Variants in ITGA9 observed in about 807,000 individuals in gnomAD.
The protein encoded by ITGA9 is integrin alpha-9.
ITGA9 carries 56 observed loss-of-function variants against 127.8 expected under a neutral mutation model. That is an observed-to-expected ratio of 0.44 (90% confidence interval 0.35 to 0.55). The LOEUF is 0.55. Among genes scored for constraint, ITGA9 ranks in the 20% least tolerant of loss-of-function variants. The pLI is 0.00. For synonymous variants in ITGA9, 508 were observed against 514.5 expected (o/e 0.99, Z 0.17); for missense variants, 1,196 against 1,347.1 (o/e 0.89, Z 1.76).
At chr3:37,770,566 G>T (rs764184364) in intron 23 of ITGA9, among the ~76,000 whole-genome samples, 3 of 152,198 alleles carry the variant, frequency 2.0e-5, no homozygotes, top group Non-Finnish European at 4.4e-5. Context: ...AGCCTGGAAA[G>T]TAACAGCTCT....
chr3:37,651,156 A>G (rs77899247), intron 16 of ITGA9, among the ~76,000 whole-genome samples: 11,275 of 152,188 alleles, frequency 0.074, 468 homozygotes, highest in Middle Eastern at 0.14. Context: ...GTGTGTGTGT[A>G]TATGTCAAAC....
chr3:37,756,562 A>G (rs934732238), intron 23 of ITGA9, among the ~76,000 whole-genome samples: 1 of 152,224 alleles, frequency 6.6e-6, no homozygotes, highest in African/African-American at 2.4e-5. Context: ...CAGCTATGGC[A>G]ACCTATAGGA....
intron 1 of ITGA9, among the ~76,000 whole-genome samples, chr3:37,463,681 G>C (rs1161395417): frequency 2.6e-5 from 4 of 152,194 alleles, no homozygotes; most frequent in Non-Finnish European, 2.9e-5. Context: ...CTCTTGACAA[G>C]AGAAGCTGCA....
chr3:37,453,505 T>C (rs1698224525), intron 1 of ITGA9, among the ~76,000 whole-genome samples: 1 of 151,926 alleles, frequency 6.6e-6, no homozygotes, highest in South Asian at 2.1e-4. Context: ...GACCAGAGGG[T>C]ATAAACAGCC....
intron 3 of ITGA9, among the ~76,000 whole-genome samples, chr3:37,474,829 C>A (rs1212105177): frequency 6.6e-6 from 1 of 152,248 alleles, no homozygotes; most frequent in African/African-American, 2.4e-5. Context: ...AACAGGTTTT[C>A]CTTAAGGCAC....
At chr3:37,574,449 T>G (rs1699633358) in intron 15 of ITGA9, among the ~76,000 whole-genome samples, 1 of 152,226 alleles carries the variant, frequency 6.6e-6, no homozygotes, top group South Asian at 2.1e-4. Flanking sequence ...TTGCTGATTT[T>G]TTTCCTATTA....
chr3:37,659,822 C>T (rs1030758183), intron 17 of ITGA9, among the ~76,000 whole-genome samples: 1 of 152,096 alleles, frequency 6.6e-6, no homozygotes, highest in Non-Finnish European at 1.5e-5. Flanking sequence ...ATGGATTTAT[C>T]TACCTTTGGT....
intron 11 of ITGA9, among the ~76,000 whole-genome samples, chr3:37,522,541 C>T: frequency 6.6e-6 from 1 of 152,014 alleles, no homozygotes; most frequent in Non-Finnish European, 1.5e-5. Context: ...CCTTGGGCAA[C>T]ATGGCGAGAC....
intron 17 of ITGA9, among the ~76,000 whole-genome samples, chr3:37,659,506 C>G (rs1001949724): frequency 1.3e-5 from 2 of 151,774 alleles, no homozygotes; most frequent in Non-Finnish European, 2.9e-5. Flanking sequence ...ATGAAGTTCT[C>G]GTGCTGTGTT....
chr3:37,606,853 A>G (rs1315688553), intron 15 of ITGA9, among the ~76,000 whole-genome samples: 1 of 150,836 alleles, frequency 6.6e-6, no homozygotes, highest in Non-Finnish European at 1.5e-5. Flanking sequence ...AGTATTTGTC[A>G]CTTCCTACTC....
chr3:37,567,565 C>T lies in ITGA9; in HGVS notation c.1689+24980C>T, dbSNP rs139809051. ...GTCTCATATGAGACAAGGCAAGTCC[C>T]TTCCACCTATGAGCTTTTAAAATTA... is the stretch of plus-strand genomic sequence containing the variant. On this transcript the variant is annotated intron_variant, in intron 15 of 27. Transcript: ENST00000264741. Among the ~76,000 whole-genome samples the T allele has an allele frequency of 1.5e-4, 23 of 152,292 alleles. No individual in the cohort carries two copies. The East Asian group carries it at 4.4e-3, about 29-fold the overall frequency.
intron 18 of ITGA9, among the ~76,000 whole-genome samples, chr3:37,719,649 C>T (rs567781022): frequency 7.9e-5 from 12 of 152,134 alleles, no homozygotes; most frequent in South Asian, 4.1e-4. Flanking sequence ...GTGCTGCACC[C>T]GAGTCAGGAG....
At chr3:37,461,224 A>G (rs1354320978) in intron 1 of ITGA9, among the ~76,000 whole-genome samples, 3 of 152,166 alleles carry the variant, frequency 2.0e-5, no homozygotes, top group Non-Finnish European at 4.4e-5. Context: ...TTTTTGTGCC[A>G]TAAAAGGGGG....
intron 18 of ITGA9, among the ~76,000 whole-genome samples, chr3:37,715,476 A>G (rs1192772481): frequency 6.6e-6 from 1 of 152,164 alleles, no homozygotes; most frequent in Non-Finnish European, 1.5e-5. Context: ...AGTGGCTTCA[A>G]CCTGCTGTTC....
chr3:37,660,484 A>G (rs973621825), intron 17 of ITGA9, among the ~76,000 whole-genome samples: 1 of 152,120 alleles, frequency 6.6e-6, no homozygotes, highest in Non-Finnish European at 1.5e-5. Flanking sequence ...TGCTTTTCTT[A>G]TATTAAGATG....
intron 18 of ITGA9, among the ~76,000 whole-genome samples, chr3:37,708,861 C>G (rs1293500849): frequency 6.6e-6 from 1 of 152,212 alleles, no homozygotes; most frequent in African/African-American, 2.4e-5. Context: ...ATGAATACGT[C>G]AAGCCACTTC....
At chr3:37,778,367 C>A (rs533198176) in intron 24 of ITGA9, among the ~76,000 whole-genome samples, 1 of 152,216 alleles carries the variant, frequency 6.6e-6, no homozygotes, top group Admixed American at 6.5e-5. Flanking sequence ...GCCTGTAATA[C>A]CAGCACTTAG....
intron 20 of ITGA9, among the ~76,000 whole-genome samples, chr3:37,739,147 G>A (rs1193287373): frequency 6.6e-6 from 1 of 152,152 alleles, no homozygotes; most frequent in Non-Finnish European, 1.5e-5. Context: ...TATTTATTGT[G>A]CACCTTATAT....
intron 15 of ITGA9, among the ~76,000 whole-genome samples, chr3:37,622,565 G>A (rs763989007): frequency 5.1e-4 from 78 of 152,140 alleles, no homozygotes; most frequent in Middle Eastern, 3.4e-3. Context: ...ATTAAAGGCC[G>A]GGCGCAGTGG....
Sources: allele counts gnomAD v4.1 joint callset (sites outside exome capture counted in the v4.1 genomes callset), GRCh38; gene constraint gnomAD v4.1.1; transcripts MANE v1.5; gene names NCBI Gene and HGNC (gene_info 2026-07-23, HGNC 2026-07-21).